The following FMN2 variants were observed in gnomAD, a reference collection of about 807,000 sequenced individuals.
FMN2 encodes formin-2.
Under a neutral mutation model 142.3 loss-of-function variants are expected in FMN2, and 51 were observed. The ratio of observed to expected loss-of-function variants is 0.36; its 90% confidence interval spans 0.29 to 0.45. The LOEUF (loss-of-function observed/expected upper bound fraction) is 0.45. FMN2 is among the 20% of genes least tolerant of loss of function. The probability of loss-of-function intolerance (pLI) is 1.00; values close to 1 mark genes in which losing one functional copy is unlikely to be tolerated. For synonymous variants in FMN2, 882 were observed against 869.8 expected (o/e 1.01, Z -0.25); for missense variants, 1,936 against 2,122.8 (o/e 0.91, Z 1.73).
intron 15 of FMN2, among the ~76,000 whole-genome samples, chr1:240,431,435 C>CACATATATATAT (rs1558487543): frequency 1.4e-5 from 2 of 146,862 alleles, no homozygotes; most frequent in African/African-American, 5.1e-5. Context: ...CATATATATA[C>CACATATATATAT]ACACATATAT....
chr1:240,143,335 G>A (rs1663277071), intron 2 of FMN2: 8 of 1,496,836 alleles, frequency 5.3e-6, no homozygotes, highest in Admixed American at 1.7e-5. Context: ...CCGGAGTGCA[G>A]GCTCCCCATA....
chr1:240,245,991 T>G (rs1572110757), intron 6 of FMN2, among the ~76,000 whole-genome samples: 1 of 151,916 alleles, frequency 6.6e-6, no homozygotes, highest in Non-Finnish European at 1.5e-5. Flanking sequence ...CCATCCTGGC[T>G]AACATGGTGA....
intron 6 of FMN2, among the ~76,000 whole-genome samples, chr1:240,255,830 T>C (rs1263854686): frequency 6.6e-6 from 1 of 152,146 alleles, no homozygotes; most frequent in Non-Finnish European, 1.5e-5. Flanking sequence ...AAGTTGAAGA[T>C]GCAGACATGT....
At chr1:240,186,193 A>G (rs1399473414) in intron 3 of FMN2, among the ~76,000 whole-genome samples, 3 of 152,152 alleles carry the variant, frequency 2.0e-5, no homozygotes, top group Admixed American at 6.5e-5. Context: ...GGCAATATCT[A>G]TATTGTCTCT....
chr1:240,178,100 G>A, intron 3 of FMN2, 32 bp downstream of exon 3: 1 of 1,534,006 alleles, frequency 6.5e-7, no homozygotes, highest in Non-Finnish European at 8.7e-7. Context: ...AGAGATAACT[G>A]GAAGAGGCAA....
In FMN2 at chr1:240,126,373, C is replaced by A. The variant is rs375763234; in HGVS notation, c.1782+3028C>A. On this transcript the variant is annotated intron_variant, in intron 2 of 17. Transcript: ENST00000319653. ...GGTACCCTTCCTACCTACCCCCCCCCACTTTGTTCCCTTCCCTGATGGGTT... is the reference window on the plus strand; with the variant it reads ...GGTACCCTTCCTACCTACCCCCCCCAACTTTGTTCCCTTCCCTGATGGGTT... Among the ~76,000 whole-genome samples, 32 of 151,436 alleles carry A rather than the reference C, an allele frequency of 2.1e-4. No individual in the cohort carries two copies. The South Asian group carries it at 5.1e-3, about 24-fold the overall frequency.
chr1:240,172,753 T>C (rs1048086925), intron 2 of FMN2, among the ~76,000 whole-genome samples: 1 of 152,200 alleles, frequency 6.6e-6, no homozygotes, highest in African/African-American at 2.4e-5. Context: ...CCAGATAACC[T>C]GATACCTTCC....
intron 16 of FMN2, among the ~76,000 whole-genome samples, chr1:240,459,716 C>T (rs1383657186): frequency 6.1e-5 from 2 of 32,828 alleles, no homozygotes; most frequent in Non-Finnish European, 1.0e-4. Context: ...GACTCTGTCT[C>T]TAAAAAAAAA....
At chr1:240,313,147 G>A (rs1670651367) in intron 8 of FMN2, among the ~76,000 whole-genome samples, 1 of 152,180 alleles carries the variant, frequency 6.6e-6, no homozygotes, top group Non-Finnish European at 1.5e-5. Flanking sequence ...TTTACTAAGT[G>A]AGCTGTCTAC....
At chr1:240,150,854 T>C (rs1157533940) in intron 2 of FMN2, among the ~76,000 whole-genome samples, 3 of 152,328 alleles carry the variant, frequency 2.0e-5, no homozygotes, top group Admixed American at 6.5e-5. Flanking sequence ...GTGTCTATTA[T>C]GCAGAAGTCC....
intron 15 of FMN2, among the ~76,000 whole-genome samples, chr1:240,395,675 C>G (rs1297403177): frequency 2.6e-5 from 4 of 152,114 alleles, no homozygotes; most frequent in Non-Finnish European, 5.9e-5. Context: ...GAGGTAGAGT[C>G]TGAAGATGTG....
chr1:240,143,909 G>T, intron 2 of FMN2: 6 of 1,560,406 alleles, frequency 3.8e-6, no homozygotes, highest in Non-Finnish European at 5.3e-6. Flanking sequence ...ATTTGAGCCA[G>T]CGTAGGCCAA....
At chr1:240,336,582 A>AAAAAAAAAAAAAAAAAAAAAAAAAAAAAG (rs144682452) in intron 13 of FMN2, among the ~76,000 whole-genome samples, 1 of 101,842 alleles carries the variant, frequency 9.8e-6, no homozygotes, top group Admixed American at 1.2e-4. Context: ...AAAAAAAAAA[A>AAAAAAAAAAAAAAAAAAAAAAAAAAAAAG]GGTGGTTGCA....
At chr1:240,131,394 C>A (rs1273407363) in intron 2 of FMN2, among the ~76,000 whole-genome samples, 1 of 152,036 alleles carries the variant, frequency 6.6e-6, no homozygotes. Context: ...TAGGAGTTTG[C>A]TGTGGGGAAC....
chr1:240,455,499 G>C (rs1468272197), intron 16 of FMN2, among the ~76,000 whole-genome samples: 1 of 152,160 alleles, frequency 6.6e-6, no homozygotes, highest in African/African-American at 2.4e-5. Flanking sequence ...GCAGTGACTA[G>C]CCCATCACAG....
chr1:240,360,409 T>A (rs1052777242), intron 14 of FMN2, among the ~76,000 whole-genome samples: 1 of 152,242 alleles, frequency 6.6e-6, no homozygotes, highest in African/African-American at 2.4e-5. Flanking sequence ...TAAAGGCAGA[T>A]CTTTACCCAC....
chr1:240,271,489 T>A (rs1296515327), intron 7 of FMN2, among the ~76,000 whole-genome samples: 1 of 151,680 alleles, frequency 6.6e-6, no homozygotes, highest in Admixed American at 6.6e-5. Flanking sequence ...CCCATTTTTT[T>A]AAACCTTTTT....
chr1:240,460,152 C>T (rs1054246713), intron 16 of FMN2, among the ~76,000 whole-genome samples: 1 of 152,198 alleles, frequency 6.6e-6, no homozygotes, highest in Non-Finnish European at 1.5e-5. Flanking sequence ...GTTTCCACGA[C>T]TACTTTTGCT....
At chr1:240,372,160 T>A (rs1054691321) in intron 14 of FMN2, among the ~76,000 whole-genome samples, 10 of 152,096 alleles carry the variant, frequency 6.6e-5, no homozygotes, top group Middle Eastern at 3.2e-3. Context: ...TGCTTGAACC[T>A]GGGAGGCAGA....
Sources: allele counts gnomAD v4.1 joint callset (sites outside exome capture counted in the v4.1 genomes callset), GRCh38; gene constraint gnomAD v4.1.1; transcripts MANE v1.5; gene names NCBI Gene and HGNC (gene_info 2026-07-23, HGNC 2026-07-21).